The following DENND3 variants were observed in gnomAD, a reference collection of about 807,000 sequenced individuals.
DENND3 encodes the protein DENN domain-containing protein 3.
DENND3 carries 88 observed loss-of-function variants against 135.1 expected under a neutral mutation model. The observed-to-expected ratio is 0.65, with a 90% CI of 0.55 to 0.78. DENND3 has a LOEUF of 0.78. DENND3 is among the 30% of genes least tolerant of loss of function. The probability of loss-of-function intolerance (pLI) is 0.00; values close to 1 mark genes in which losing one functional copy is unlikely to be tolerated. For missense variants in DENND3, 1,392 were observed against 1,688.4 expected, an observed-to-expected ratio of 0.82 and a Z score of 3.08; for synonymous variants, 693 against 712.3, an observed-to-expected ratio of 0.97 and a Z score of 0.43.
At chr8:141,189,262 G>A in intron 19 of DENND3, 116 bp downstream of exon 19, 1 of 1,389,348 alleles carries the variant, frequency 7.2e-7, no homozygotes, top group Non-Finnish European at 9.9e-7. Context: ...CGTACAGAGT[G>A]AAGTGGATCT....
Position 141,128,865 on chromosome 8 carries a change from C to T in DENND3, c.102+56C>T. 1.6e-6 allele frequency: 2 copies of T among 1,281,858 alleles called. No individual in the cohort carries two copies. The highest frequency in any genetic ancestry group is 2.0e-6 in the Non-Finnish European group (2 of 985,956). 79.4% of individuals were successfully genotyped at this position (1,281,858 alleles called of 1,614,324 possible). On this transcript the variant is annotated intron_variant, in intron 1 of 22. Coordinates refer to ENST00000519811, the MANE Select transcript of DENND3 (RefSeq NM_001352890.3). This position sits in a 1 kb window ranked among gnomAD's most constrained non-coding sequence, Gnocchi z 4.5. The stretch of plus-strand genomic sequence containing the variant: ...GGCCACGAGTCGGCAGCCGGGACAG[C>T]AGTCGGAGAGCGGGCGCCCGGGTGC...
chr8:141,182,993 G>C lies in DENND3; in HGVS notation c.2944+2139G>C, dbSNP rs367847274. Among the ~76,000 whole-genome samples the C allele has an allele frequency of 4.6e-5, 7 of 152,266 alleles. No homozygotes were observed. The East Asian group carries it at 1.2e-3, about 25-fold the overall frequency. ...CAGGACGGAGGCAGCACTGCAGGGC[G>C]GGGGGTCGCTTGAATATCCTCAGGG... On this transcript the variant is annotated intron_variant, in intron 17 of 22. Coordinates refer to ENST00000519811, the MANE Select transcript of DENND3 (RefSeq NM_001352890.3). The surrounding 1 kb of genome is among the most constrained non-coding windows in gnomAD (Gnocchi z 5.9).
At chr8:141,153,892 C>T (rs1819120816) in intron 7 of DENND3, among the ~76,000 whole-genome samples, 1 of 152,124 alleles carries the variant, frequency 6.6e-6, no homozygotes, top group African/African-American at 2.4e-5. Context: ...AGGCACTCAC[C>T]TGTTGGGAAA....
At chr8:141,161,327 G>A (rs1323933906) in intron 9 of DENND3, among the ~76,000 whole-genome samples, 2 of 152,346 alleles carry the variant, frequency 1.3e-5, no homozygotes, top group East Asian at 3.9e-4. Flanking sequence ...CACAGGACGG[G>A]TGGGGCACTC....
In DENND3 at chr8:141,136,748, G is replaced by C. The variant is rs1167446110; in HGVS notation, c.342G>C (p.Pro114=). 2 of 1,596,918 alleles carry C rather than the reference G, an allele frequency of 1.3e-6. No homozygotes were observed. The highest frequency in any genetic ancestry group is 8.5e-7 in the Non-Finnish European group (1 of 1,172,382). ...RAPEPEDVAV[P]GGVDLLTLPQ... ...CAGAGCCTGAGGATGTCGCCGTCCCGGGCGGCGTGGACCTCCTCACCCTGC... is the reference window on the plus strand; with the variant it reads ...CAGAGCCTGAGGATGTCGCCGTCCCCGGCGGCGTGGACCTCCTCACCCTGC... The change falls in exon 2 of 23, where the codon CCG becomes CCC. Residue 114 remains proline, a synonymous_variant. Transcript: ENST00000519811.
At chr8:141,187,041 T>C (rs543512477) in intron 18 of DENND3, among the ~76,000 whole-genome samples, 16 of 152,340 alleles carry the variant, frequency 1.1e-4, no homozygotes, top group African/African-American at 3.8e-4. Context: ...ACGTTCACAT[T>C]TAAATTGCAT....
intron 16 of DENND3, 53 bp downstream of exon 16, chr8:141,178,249 G>A (rs1479288895): frequency 6.4e-7 from 1 of 1,571,820 alleles, no homozygotes; most frequent in Non-Finnish European, 8.7e-7. Flanking sequence ...CACGCCTTAA[G>A]TGATTTTATC....
intron 10 of DENND3, 65 bp downstream of exon 10, chr8:141,163,494 A>G: frequency 8.8e-7 from 1 of 1,139,952 alleles, no homozygotes; most frequent in Non-Finnish European, 1.3e-6. Context: ...CTGTATTTAA[A>G]TACTTTTCAA....
chr8:141,161,113 G>A (rs1205658700), intron 9 of DENND3, among the ~76,000 whole-genome samples: 1 of 152,180 alleles, frequency 6.6e-6, no homozygotes, highest in Non-Finnish European at 1.5e-5. Flanking sequence ...GCAGGTGGCT[G>A]TTTTGGGACA....
chr8:141,151,818 A>G lies in DENND3; in HGVS notation c.1055A>G (p.His352Arg). The G allele has an allele frequency of 6.2e-7, 1 of 1,614,180 alleles. No homozygotes were observed. Among genetic ancestry groups the G allele is most frequent in the South Asian group, 1.1e-5 (1 of 91,080 alleles). ...TSFLMGCHLDHFEEVSKEADG... is the reference protein window; with the variant it reads ...TSFLMGCHLDRFEEVSKEADG... ...TTCCTGATGGGCTGCCATCTCGACC[A>G]CTTCGAAGAAGTCAGCAAGGTTAGG... The change falls in exon 7 of 23, where the codon CAC becomes CGC. Residue 352 changes from histidine to arginine, a missense_variant. By Grantham distance (29) the His-to-Arg change is conservative (BLOSUM62 0). Coordinates refer to ENST00000519811, the MANE Select transcript of DENND3 (RefSeq NM_001352890.3).
At position 141,137,912 on chromosome 8, in the gene DENND3, C is replaced by A; in HGVS notation, c.386-110C>A. 2.8e-6 allele frequency: 3 copies of A among 1,087,902 alleles called. No homozygotes were observed. Among genetic ancestry groups the A allele is most frequent in the Non-Finnish European group, 1.3e-6 (1 of 754,092 alleles). The allele number at this position is 1,087,902 out of a possible 1,614,324, so 67.4% of individuals were successfully genotyped here. A position where few individuals can be genotyped will look rare whatever the true frequency, so the allele number is the denominator to read the frequency against. On this transcript the variant is annotated intron_variant, in intron 2 of 22. Coordinates refer to ENST00000519811, the MANE Select transcript of DENND3 (RefSeq NM_001352890.3). The surrounding 1 kb of genome is among the most constrained non-coding windows in gnomAD (Gnocchi z 4.1). ...ACCCGCCTTGGACATGAAGGCACCA[C>A]CACTGCTAACTGTGGAGGTGTGTCC...
Position 141,154,176 on chromosome 8 carries a change from A to T in DENND3, c.1075-1673A>T, listed in dbSNP as rs1257963145. Among the ~76,000 whole-genome samples, 1 of 152,246 alleles carries T rather than the reference A, an allele frequency of 6.6e-6. No individual in the cohort carries two copies. The highest frequency in any genetic ancestry group is 6.5e-5 in the Admixed American group (1 of 15,290). ...TGTAGCCACCTGAACTGCACTCCAA[A>T]GGGCGGGGCCCAGAATGAGAGCCGG... On this transcript the variant is annotated intron_variant, in intron 7 of 22. Transcript: ENST00000519811. This position sits in a 1 kb window ranked among gnomAD's most constrained non-coding sequence, Gnocchi z 4.4.
rs1031712628 is a variant in DENND3, at chr8:141,192,418, C to T, written c.3467C>T (p.Thr1156Ile). Residue 1156 changes from threonine (T) to isoleucine (I), a missense_variant, in exon 21 of 23, where the codon ACC becomes ATC. By Grantham distance (89) the Thr-to-Ile change is moderately conservative (BLOSUM62 -1). Transcript: ENST00000519811. ...GAGGAGAACTTCAAAGACACCAGTA[C>T]CTCCTTCCTGGCCTTCCAGCTCCTT... ...KIEENFKDTS[T>I]SFLAFQLLPE... 6 of 1,614,248 alleles carry T rather than the reference C, an allele frequency of 3.7e-6. No homozygotes were observed. Among genetic ancestry groups the T allele is most frequent in the Non-Finnish European group, 5.1e-6 (6 of 1,180,048 alleles).
In DENND3 at chr8:141,138,036, GC is replaced by G; in HGVS notation, c.402del (p.Thr135LeufsTer13). The G allele has an allele frequency of 6.2e-7, 1 of 1,603,064 alleles. No individual in the cohort carries two copies. The highest frequency in any genetic ancestry group is 2.2e-5 in the East Asian group (1 of 44,646). ...QLCFPGGVCV[A>X]TEPKEDCVHF... ...TCTGCCTGCAGGGGGTGTGTGCGTG[GC>G]CACTGAACCTAAGGAGGATTGCGTC... On this transcript the variant is annotated frameshift_variant, in exon 3 of 23. Coordinates refer to ENST00000519811, the MANE Select transcript of DENND3 (RefSeq NM_001352890.3). LOFTEE classifies it high-confidence loss of function. This position sits in a 1 kb window ranked among gnomAD's most constrained non-coding sequence, Gnocchi z 4.8.
Position 141,141,464 on chromosome 8 carries a change from T to G in DENND3, c.623+140T>G, listed in dbSNP as rs1589553992. ...CCTGGTGAGCCGGGGGACCGGGCGC[T>G]GGGGGCAGTAGGAGGGGCAGTTCTC... is the stretch of plus-strand genomic sequence containing the variant. On this transcript the variant is annotated intron_variant, in intron 4 of 22. Transcript: ENST00000519811. This position sits in a 1 kb window ranked among gnomAD's most constrained non-coding sequence, Gnocchi z 5.3. The G allele has an allele frequency of 4.6e-5, 36 of 789,420 alleles. No homozygotes were observed. Among genetic ancestry groups the G allele is most frequent in the East Asian group, 9.5e-5 (2 of 21,138 alleles). The allele number at this position is 789,420 out of a possible 1,614,324, so 48.9% of individuals were successfully genotyped here. A position where few individuals can be genotyped will look rare whatever the true frequency, so the allele number is the denominator to read the frequency against.
Position 141,192,434 on chromosome 8 carries a change from C to T in DENND3, c.3483C>T (p.Phe1161=), listed in dbSNP as rs773519575. 3 of 1,614,234 alleles carry T rather than the reference C, an allele frequency of 1.9e-6. No individual in the cohort carries two copies. Among genetic ancestry groups the T allele is most frequent in the Non-Finnish European group, 2.5e-6 (3 of 1,180,032 alleles). ...ACACCAGTACCTCCTTCCTGGCCTT[C>T]CAGCTCCTTCCTGAGGTATCCCAGC... ...FKDTSTSFLA[F]QLLPEEEQLW... The change falls in exon 21 of 23, where the codon TTC becomes TTT. Residue 1161 remains phenylalanine (F), a synonymous_variant. Coordinates refer to ENST00000519811, the MANE Select transcript of DENND3 (RefSeq NM_001352890.3).
At position 141,165,197 on chromosome 8, in the gene DENND3, C is replaced by G. The variant is rs1820625250; in HGVS notation, c.1461C>G (p.Thr487=). 6.2e-7 allele frequency: 1 copy of G among 1,613,924 alleles called. No individual in the cohort carries two copies. The highest frequency in any genetic ancestry group is 8.5e-7 in the Non-Finnish European group (1 of 1,179,918). ...DHQFYKQVLD[T]YMFHSFLKAR... ...TCTCTCTTTTCCAGGTCTTAGACACCTACATGTTCCATTCTTTTCTTAAAG... is the reference window on the plus strand; with the variant it reads ...TCTCTCTTTTCCAGGTCTTAGACACGTACATGTTCCATTCTTTTCTTAAAG... Residue 487 remains threonine (T), a synonymous_variant, in exon 11 of 23, where the codon ACC becomes ACG. Coordinates refer to ENST00000519811, the MANE Select transcript of DENND3 (RefSeq NM_001352890.3).
intron 5 of DENND3, among the ~76,000 whole-genome samples, chr8:141,149,185 T>C (rs1818498537): frequency 6.6e-6 from 1 of 152,208 alleles, no homozygotes; most frequent in Non-Finnish European, 1.5e-5. Context: ...GCTGGGATTA[T>C]AGGCATGAGC....
chr8:141,131,340 T>A (rs955469534), intron 1 of DENND3, among the ~76,000 whole-genome samples: 7 of 152,228 alleles, frequency 4.6e-5, no homozygotes, highest in African/African-American at 1.7e-4. Flanking sequence ...GAGTAGAAAG[T>A]GTTCTGAGTA....
Sources: gnomAD v4.1 joint callset for allele counts (sites outside exome capture counted in the v4.1 genomes callset) on GRCh38, gnomAD v4.1.1 for gene constraint, Gnocchi (gnomAD v3.1) non-coding constraint, MANE v1.5 for transcripts, NCBI Gene and HGNC (gene_info 2026-07-23, HGNC 2026-07-21) for gene names.